The following ATXN1 variants were observed in gnomAD, a reference collection of about 807,000 sequenced individuals.
ATXN1 encodes the protein ataxin 1, also known as ataxin-1.
ATXN1 carries 8 observed loss-of-function variants against 56.4 expected under a neutral mutation model. The observed-to-expected ratio is 0.14, with a 90% CI of 0.08 to 0.26. The LOEUF (loss-of-function observed/expected upper bound fraction) is 0.26. ATXN1 is among the 10% of genes least tolerant of loss of function. ATXN1 has a pLI of 1.00. For synonymous variants in ATXN1, 514 were observed against 494.6 expected (o/e 1.04, Z -0.52); for missense variants, 987 against 1,106.5 (o/e 0.89, Z 1.53).
At position 16,747,356 on chromosome 6, in the gene ATXN1, G is replaced by A. The variant is rs557666902; in HGVS notation, c.-615+5877C>T. Among the ~76,000 whole-genome samples the A allele has an allele frequency of 9.9e-5, 15 of 152,154 alleles. 1 individual carries two copies. The South Asian group carries it at 3.1e-3, about 32-fold the overall frequency. On this transcript the variant is annotated intron_variant, in intron 2 of 7. Coordinates refer to ENST00000436367, the MANE Select transcript of ATXN1 (RefSeq NM_001128164.2). Reference sequence around the variant, plus strand: ...TTCTGGAGCACACATTAAACTCCACGCTCTGCTCAACAAGCCCATCGCTGT... The same window carrying A: ...TTCTGGAGCACACATTAAACTCCACACTCTGCTCAACAAGCCCATCGCTGT...
chr6:16,382,727 A>G (rs1758155041), intron 6 of ATXN1, among the ~76,000 whole-genome samples: 1 of 152,150 alleles, frequency 6.6e-6, no homozygotes, highest in African/African-American at 2.4e-5. Context: ...CATCTAGAGC[A>G]GGGGTGTCCA....
intron 4 of ATXN1, among the ~76,000 whole-genome samples, chr6:16,545,950 T>C (rs1761807317): frequency 6.6e-6 from 1 of 152,228 alleles, no homozygotes; most frequent in African/African-American, 2.4e-5. Context: ...GCTATCGTAT[T>C]AGCTGTTAAG....
intron 6 of ATXN1, among the ~76,000 whole-genome samples, chr6:16,380,127 C>T (rs571271730): frequency 6.6e-6 from 1 of 152,298 alleles, no homozygotes; most frequent in East Asian, 1.9e-4. Flanking sequence ...TGGCTTGTGA[C>T]ATCTGTAATC....
At chr6:16,347,142 T>G (rs9396664) in intron 6 of ATXN1, among the ~76,000 whole-genome samples, 4 of 152,210 alleles carry the variant, frequency 2.6e-5, no homozygotes, top group Non-Finnish European at 5.9e-5. Context: ...TGGGCTCCTG[T>G]GCAGCCAGAG....
At chr6:16,660,665 A>C (rs1758298433) in intron 2 of ATXN1, among the ~76,000 whole-genome samples, 1 of 152,170 alleles carries the variant, frequency 6.6e-6, no homozygotes, top group Non-Finnish European at 1.5e-5. Context: ...GAATGTTTCA[A>C]ATCAAATAAA....
chr6:16,655,982 C>T (rs563673105), intron 3 of ATXN1, among the ~76,000 whole-genome samples: 21 of 150,410 alleles, frequency 1.4e-4, no homozygotes, highest in Non-Finnish European at 2.1e-4. Flanking sequence ...CCCAGCTACT[C>T]GGGAGGTTGA....
At position 16,300,007 on chromosome 6, in the gene ATXN1, G is replaced by A. The variant is rs940942051; in HGVS notation, c.*6322C>T. ...CTTGGTAACTGCTCTGAAGACAACAGCTTGAGCTAGTGTCACCTAATACTT... is the reference window on the plus strand; with the variant it reads ...CTTGGTAACTGCTCTGAAGACAACAACTTGAGCTAGTGTCACCTAATACTT... On this transcript the variant is annotated 3_prime_UTR_variant, in exon 8 of 8. Transcript: ENST00000436367. 2.0e-5 allele frequency: 3 copies of A among 152,656 alleles called. No homozygotes were observed. Among genetic ancestry groups the A allele is most frequent in the African/African-American group, 7.2e-5 (3 of 41,454 alleles). The allele number at this position is 152,656 out of a possible 1,614,324, so 9.5% of individuals were successfully genotyped here.
intron 2 of ATXN1, among the ~76,000 whole-genome samples, chr6:16,742,544 C>T (rs988148782): frequency 3.9e-5 from 6 of 152,172 alleles, no homozygotes; most frequent in Admixed American, 3.3e-4. Context: ...CAATGGGAGG[C>T]ATTTCCATAC....
At chr6:16,705,213 G>A (rs1435405706) in intron 2 of ATXN1, among the ~76,000 whole-genome samples, 2 of 152,174 alleles carry the variant, frequency 1.3e-5, no homozygotes, top group Non-Finnish European at 2.9e-5. Context: ...TAATGATACA[G>A]AATTCCAGAC....
At chr6:16,507,959 A>C (rs1761011269) in intron 5 of ATXN1, among the ~76,000 whole-genome samples, 1 of 152,250 alleles carries the variant, frequency 6.6e-6, no homozygotes. Context: ...GGAAGAATGA[A>C]GAAAAACATC....
intron 2 of ATXN1, among the ~76,000 whole-genome samples, chr6:16,721,403 A>G (rs1287475314): frequency 6.6e-6 from 1 of 152,134 alleles, no homozygotes; most frequent in Non-Finnish European, 1.5e-5. Flanking sequence ...AGGTGGGAGG[A>G]CTGCTTGAGG....
At chr6:16,621,671 C>A (rs1763323183) in intron 3 of ATXN1, among the ~76,000 whole-genome samples, 1 of 152,184 alleles carries the variant, frequency 6.6e-6, no homozygotes, top group African/African-American at 2.4e-5. Context: ...CAAGATCGTG[C>A]CACTGCACTC....
chr6:16,399,416 G>C (rs4565296), intron 6 of ATXN1, among the ~76,000 whole-genome samples: 15 of 152,146 alleles, frequency 9.9e-5, no homozygotes, highest in Non-Finnish European at 1.9e-4. Context: ...GCGCTCACTG[G>C]TCTATGCCGA....
At chr6:16,350,696 T>C (rs1275310240) in intron 6 of ATXN1, among the ~76,000 whole-genome samples, 1 of 152,200 alleles carries the variant, frequency 6.6e-6, no homozygotes, top group South Asian at 2.1e-4. Flanking sequence ...AAATGATCTA[T>C]GTGATATCTG....
In ATXN1 at chr6:16,300,279, T is replaced by C. The variant is rs546889888; in HGVS notation, c.*6050A>G. The C allele has an allele frequency of 1.3e-5, 2 of 152,778 alleles. No individual in the cohort carries two copies. The highest frequency in any genetic ancestry group is 1.9e-4 in the East Asian group (1 of 5,192). The allele number at this position is 152,778 out of a possible 1,614,324, so 9.5% of individuals were successfully genotyped here. On this transcript the variant is annotated 3_prime_UTR_variant, in exon 8 of 8. Coordinates refer to ENST00000436367, the MANE Select transcript of ATXN1 (RefSeq NM_001128164.2). ...GTTGTTATTGTATAGATACTACCTA[T>C]TGGCCAAATGCACTTAATTTTAATA...
chr6:16,456,106 G>A (rs1034846030), intron 6 of ATXN1, among the ~76,000 whole-genome samples: 12 of 152,080 alleles, frequency 7.9e-5, no homozygotes, highest in African/African-American at 2.7e-4. Context: ...TTGTCCTGTC[G>A]CTCTTCACAG....
chr6:16,699,192 T>TAA (rs1193195673), intron 2 of ATXN1, among the ~76,000 whole-genome samples: 19 of 152,318 alleles, frequency 1.2e-4, no homozygotes, highest in African/African-American at 4.3e-4. Context: ...TACTCACTAT[T>TAA]AAACTGCATT....
At chr6:16,315,997 A>G (rs1375084338) in intron 7 of ATXN1, among the ~76,000 whole-genome samples, 2 of 151,994 alleles carry the variant, frequency 1.3e-5, no homozygotes, top group African/African-American at 4.8e-5. Flanking sequence ...TCCTCTTTAT[A>G]CCAGGGATCC....
In ATXN1 at chr6:16,576,240, T is replaced by C. The variant is rs925573470; in HGVS notation, c.-361+9540A>G. Among the ~76,000 whole-genome samples the C allele has an allele frequency of 2.6e-5, 4 of 152,362 alleles. No homozygotes were observed. The East Asian group carries it at 7.7e-4, about 29-fold the overall frequency. On this transcript the variant is annotated intron_variant, in intron 4 of 7. Coordinates refer to ENST00000436367, the MANE Select transcript of ATXN1 (RefSeq NM_001128164.2). ...AGATGGACTCCCTAAGTCTCTTTACTTAATTCAATTTTCTTGTACTGCTCT... is the reference window on the plus strand; with the variant it reads ...AGATGGACTCCCTAAGTCTCTTTACCTAATTCAATTTTCTTGTACTGCTCT...
Sources: allele counts gnomAD v4.1 joint callset (sites outside exome capture counted in the v4.1 genomes callset), GRCh38; gene constraint gnomAD v4.1.1; transcripts MANE v1.5; gene names NCBI Gene and HGNC (gene_info 2026-07-23, HGNC 2026-07-21).